The following FBXL17 variants were observed in gnomAD, a reference collection of about 807,000 sequenced individuals.
FBXL17 encodes F-box and leucine rich repeat protein 17.
Under a neutral mutation model 66.2 loss-of-function variants are expected in FBXL17, and 22 were observed. The ratio of observed to expected loss-of-function variants is 0.33; its 90% confidence interval spans 0.24 to 0.47. FBXL17 has a LOEUF of 0.47. FBXL17 is among the 20% of genes least tolerant of loss of function. FBXL17 has a pLI of 1.00. For synonymous variants in FBXL17, 474 were observed against 400.5 expected (o/e 1.18, Z -2.19); for missense variants, 878 against 948.2 (o/e 0.93, Z 0.97).
intron 6 of FBXL17, among the ~76,000 whole-genome samples, chr5:108,174,748 C>CAA (rs34237156): frequency 0.01 from 926 of 92,510 alleles, 22 homozygotes; most frequent in African/African-American, 0.039. Flanking sequence ...CACAAAGAAG[C>CAA]AAAAAAAAAA....
At chr5:108,175,841 G>A (rs1469364539) in intron 6 of FBXL17, among the ~76,000 whole-genome samples, 1 of 152,064 alleles carries the variant, frequency 6.6e-6, no homozygotes. Context: ...AATATTTTAG[G>A]CTGAAGCAAA....
At chr5:108,066,997 A>G (rs562404306) in intron 6 of FBXL17, among the ~76,000 whole-genome samples, 1 of 152,072 alleles carries the variant, frequency 6.6e-6, no homozygotes, top group Non-Finnish European at 1.5e-5. Flanking sequence ...TTGAAAATGA[A>G]CTATTAATTT....
chr5:107,992,413 T>C (rs755903653), intron 7 of FBXL17, among the ~76,000 whole-genome samples: 5 of 152,148 alleles, frequency 3.3e-5, no homozygotes, highest in Non-Finnish European at 7.4e-5. Context: ...AAACTGGAAC[T>C]ACAATCAGAA....
intron 7 of FBXL17, among the ~76,000 whole-genome samples, chr5:107,945,637 T>C (rs1216442879): frequency 6.6e-6 from 1 of 152,114 alleles, no homozygotes; most frequent in South Asian, 2.1e-4. Flanking sequence ...AATGTACACA[T>C]ACAATTTACA....
At chr5:108,029,292 A>G (rs186126580) in intron 6 of FBXL17, among the ~76,000 whole-genome samples, 90 of 152,254 alleles carry the variant, frequency 5.9e-4, no homozygotes, top group African/African-American at 2.1e-3. Flanking sequence ...GGCAGTGGGA[A>G]CAAAGTAACC....
At position 107,938,398 on chromosome 5, in the gene FBXL17, G is replaced by A. The variant is rs1275157124; in HGVS notation, c.1823-57219C>T. On this transcript the variant is annotated intron_variant, in intron 7 of 8. Transcript: ENST00000542267. ...ACTATGTGGGAAAACATGGTTCTAG[G>A]CATCAAAGTCACTAGTTTCTATGAA... 2.0e-5 allele frequency among the ~76,000 whole-genome samples: 3 copies of A among 152,102 alleles called. No individual in the cohort carries two copies. In the East Asian group the frequency reaches 5.8e-4, roughly 29 times the overall value.
chr5:107,949,630 T>A (rs1751433887), intron 7 of FBXL17, among the ~76,000 whole-genome samples: 1 of 152,190 alleles, frequency 6.6e-6, no homozygotes. Context: ...ACGTACAGGC[T>A]GAATGATCAC....
rs36090862 is a variant in FBXL17 at position 108,128,246 on chromosome 5, T to TAA, written c.1745+57869_1745+57870dup. Among the ~76,000 whole-genome samples, 115 of 145,540 alleles carry TAA rather than the reference T, an allele frequency of 7.9e-4. No homozygotes were observed. The Middle Eastern group carries it at 0.01, about 13-fold the overall frequency. ...GGGCAACAGAGCAAGACTCCATCTT[T>TAA]AAAAAAAAAAAAAAGAATTTGTCTT... On this transcript the variant is annotated intron_variant, in intron 6 of 8. Transcript: ENST00000542267.
chr5:108,062,781 T>C (rs1185360267), intron 6 of FBXL17, among the ~76,000 whole-genome samples: 1 of 152,092 alleles, frequency 6.6e-6, no homozygotes, highest in Non-Finnish European at 1.5e-5. Flanking sequence ...GTACAGAGTA[T>C]CAGAAGAAGT....
chr5:108,320,707 AT>A lies in FBXL17; in HGVS notation c.1506+27691del, dbSNP rs1759578246. 2.0e-5 allele frequency among the ~76,000 whole-genome samples: 3 copies of A among 151,958 alleles called. No individual in the cohort carries two copies. The South Asian group carries it at 6.2e-4, about 31-fold the overall frequency. Reference sequence around the variant, plus strand: ...CAGTTACTAAATACGTAATTGCTAGATTTGTTAAGAACAAAAACCCTCATTT... The same window carrying A: ...CAGTTACTAAATACGTAATTGCTAGATTGTTAAGAACAAAAACCCTCATTT... On this transcript the variant is annotated intron_variant, in intron 4 of 8. Coordinates refer to ENST00000542267, the MANE Select transcript of FBXL17 (RefSeq NM_001163315.3).
At chr5:108,103,636 T>A (rs1465801938) in intron 6 of FBXL17, among the ~76,000 whole-genome samples, 1 of 152,208 alleles carries the variant, frequency 6.6e-6, no homozygotes, top group Non-Finnish European at 1.5e-5. Flanking sequence ...AATCTCATAC[T>A]CCTGTAGTAA....
chr5:108,221,865 GATGC>G (rs1754880482), intron 5 of FBXL17, among the ~76,000 whole-genome samples: 1 of 152,054 alleles, frequency 6.6e-6, no homozygotes, highest in South Asian at 2.1e-4. Context: ...TTGCAGAACC[GATGC>G]ATGTATAAAA....
intron 7 of FBXL17, among the ~76,000 whole-genome samples, chr5:107,927,105 A>T (rs768519363): frequency 2.6e-5 from 4 of 152,170 alleles, no homozygotes; most frequent in Admixed American, 6.5e-5. Flanking sequence ...CTAAAGTCCT[A>T]TGACTTTTAA....
chr5:108,373,850 C>T (rs1029416086), intron 1 of FBXL17, among the ~76,000 whole-genome samples: 3 of 151,946 alleles, frequency 2.0e-5, no homozygotes, highest in Non-Finnish European at 4.4e-5. Flanking sequence ...CCCAGGAGGT[C>T]GAGGCTGCAG....
chr5:107,963,464 A>G (rs1751997049), intron 7 of FBXL17, among the ~76,000 whole-genome samples: 2 of 152,172 alleles, frequency 1.3e-5, no homozygotes, highest in Admixed American at 1.3e-4. Context: ...ACTAATTTTA[A>G]TGAGACAAAA....
intron 6 of FBXL17, among the ~76,000 whole-genome samples, chr5:108,093,343 G>T (rs1317448056): frequency 1.3e-5 from 2 of 150,318 alleles, no homozygotes; most frequent in Non-Finnish European, 2.9e-5. Context: ...CTGCCCCCTT[G>T]AGTTCTATAA....
chr5:107,886,472 CTTCATAGAGAAATCAGCCAT>C (rs1233326941), intron 7 of FBXL17, among the ~76,000 whole-genome samples: 2 of 152,036 alleles, frequency 1.3e-5, no homozygotes, highest in Non-Finnish European at 2.9e-5. Context: ...GGAATCAGAG[CTTCATAGAGAAATCAGCCAT>C]TTCGTAGAGA....
intron 7 of FBXL17, among the ~76,000 whole-genome samples, chr5:107,942,707 A>G (rs1456591720): frequency 6.6e-6 from 1 of 151,530 alleles, no homozygotes; most frequent in Non-Finnish European, 1.5e-5. Context: ...GCCTCTCCCT[A>G]GTATCTCTTA....
At chr5:108,091,014 G>T (rs1749168522) in intron 6 of FBXL17, among the ~76,000 whole-genome samples, 1 of 152,156 alleles carries the variant, frequency 6.6e-6, no homozygotes, top group Non-Finnish European at 1.5e-5. Flanking sequence ...TCTGTTGGGT[G>T]TGCGTGGGGG....
Sources: allele counts gnomAD v4.1 joint callset (sites outside exome capture counted in the v4.1 genomes callset), GRCh38; gene constraint gnomAD v4.1.1; transcripts MANE v1.5; gene names NCBI Gene and HGNC (gene_info 2026-07-23, HGNC 2026-07-21).